Variants in RBFOX1 observed in about 807,000 individuals in gnomAD.
RBFOX1 encodes RNA binding fox-1 homolog 1, also known as RNA binding protein fox-1 homolog 1.
A neutral mutation model predicts 57.7 loss-of-function variants in RBFOX1; 8 were observed. The observed-to-expected ratio is 0.14, with a 90% CI of 0.08 to 0.25. The LOEUF is 0.25. Ranked by LOEUF, RBFOX1 falls within the 10% of genes least tolerant of loss-of-function variation. RBFOX1 has a pLI of 1.00. For synonymous variants in RBFOX1, 326 were observed against 222.4 expected, an observed-to-expected ratio of 1.47 and a Z score of -4.15; for missense variants, 611 against 548.5, an observed-to-expected ratio of 1.11 and a Z score of -1.14.
At chr16:6,181,255 G>A (rs1463614517) in intron 1 of RBFOX1, among the ~76,000 whole-genome samples, 1 of 152,180 alleles carries the variant, frequency 6.6e-6, no homozygotes, top group Non-Finnish European at 1.5e-5. Flanking sequence ...TTTGGACCAT[G>A]GCAACTGAGC....
chr16:5,470,904 T>A (rs1309235106), intron 2 of RBFOX1, among the ~76,000 whole-genome samples: 2 of 152,090 alleles, frequency 1.3e-5, no homozygotes, highest in Non-Finnish European at 2.9e-5. Flanking sequence ...CAGGCTGGAG[T>A]ACAGTGGTGC....
intron 4 of RBFOX1, among the ~76,000 whole-genome samples, chr16:5,961,712 G>A (rs1204111143): frequency 1.3e-5 from 2 of 151,976 alleles, no homozygotes. Context: ...AATTTTGGTA[G>A]AGATGAGGTT....
At chr16:7,088,150 G>A (rs868461671) in intron 4 of RBFOX1, among the ~76,000 whole-genome samples, 24 of 152,126 alleles carry the variant, frequency 1.6e-4, no homozygotes, top group African/African-American at 5.6e-4. Flanking sequence ...ATGGGGTTTG[G>A]GGGGATGTAC....
chr16:6,401,216 G>A (rs1356759878), intron 2 of RBFOX1, among the ~76,000 whole-genome samples: 2 of 152,274 alleles, frequency 1.3e-5, no homozygotes, highest in African/African-American at 2.4e-5. Context: ...AAGGACACAG[G>A]CCTCAGCTTC....
Position 6,996,640 on chromosome 16 carries a change from A to G in RBFOX1, c.-15-55417A>G, listed in dbSNP as rs565194739. On this transcript the variant is annotated intron_variant, in intron 3 of 15. Transcript: ENST00000550418. The stretch of plus-strand genomic sequence containing the variant: ...TTAACCAATGGGGACAGTGACGCAC[A>G]AAGAAGCTAATTAGTTTGTCTGAGG... 5.9e-5 allele frequency among the ~76,000 whole-genome samples: 9 copies of G among 152,334 alleles called. No individual in the cohort carries two copies. The South Asian group carries it at 1.7e-3, about 28-fold the overall frequency.
chr16:6,707,811 A>G (rs1023955587), intron 3 of RBFOX1, among the ~76,000 whole-genome samples: 2 of 152,130 alleles, frequency 1.3e-5, no homozygotes, highest in African/African-American at 2.4e-5. Context: ...TATGTGTTCA[A>G]TTTGCATCCG....
chr16:5,438,449 C>T (rs1170603788), intron 1 of RBFOX1, among the ~76,000 whole-genome samples: 1 of 152,160 alleles, frequency 6.6e-6, no homozygotes, highest in East Asian at 1.9e-4. Context: ...CCTAACACTT[C>T]AAGTGCTGTC....
intron 2 of RBFOX1, among the ~76,000 whole-genome samples, chr16:5,468,668 G>A (rs1038576917): frequency 6.6e-6 from 1 of 152,218 alleles, no homozygotes; most frequent in African/African-American, 2.4e-5. Context: ...CAAATAAAAT[G>A]TGGTCTATCC....
chr16:7,202,369 C>A, intron 4 of RBFOX1, among the ~76,000 whole-genome samples: 1 of 151,236 alleles, frequency 6.6e-6, no homozygotes, highest in African/African-American at 2.4e-5. Context: ...CCCATTACGC[C>A]CTGTGGGTAG....
intron 2 of RBFOX1, among the ~76,000 whole-genome samples, chr16:6,645,568 C>G (rs528428449): frequency 7.9e-5 from 12 of 152,288 alleles, no homozygotes; most frequent in Admixed American, 5.9e-4. Flanking sequence ...GAAAAGAAGT[C>G]TCTCTCGGGA....
chr16:6,198,050 A>C (rs1012967996), intron 1 of RBFOX1, among the ~76,000 whole-genome samples: 2 of 152,204 alleles, frequency 1.3e-5, no homozygotes, highest in African/African-American at 4.8e-5. Flanking sequence ...CATTGAATTA[A>C]CTAATACTTA....
chr16:5,631,992 C>T (rs1010429410), intron 3 of RBFOX1, among the ~76,000 whole-genome samples: 3 of 152,146 alleles, frequency 2.0e-5, no homozygotes, highest in African/African-American at 7.2e-5. Context: ...TCTCTATAAG[C>T]TTCCGTCTAA....
chr16:5,622,953 G>C (rs1274355044), intron 3 of RBFOX1, among the ~76,000 whole-genome samples: 1 of 152,180 alleles, frequency 6.6e-6, no homozygotes, highest in Non-Finnish European at 1.5e-5. Context: ...GCTATTACAG[G>C]TAATCTATAG....
chr16:6,508,365 TAAAACA>T (rs1378370679), intron 2 of RBFOX1, among the ~76,000 whole-genome samples: 1 of 152,016 alleles, frequency 6.6e-6, no homozygotes, highest in Non-Finnish European at 1.5e-5. Context: ...ACATAAAACT[TAAAACA>T]AAAATATAAT....
At chr16:6,310,134 C>T (rs2080066508) in intron 1 of RBFOX1, among the ~76,000 whole-genome samples, 1 of 152,188 alleles carries the variant, frequency 6.6e-6, no homozygotes, top group Non-Finnish European at 1.5e-5. Flanking sequence ...GATCCGCCCA[C>T]CTCGGCCTAC....
At chr16:5,898,445 C>A (rs972546166) in intron 4 of RBFOX1, among the ~76,000 whole-genome samples, 5 of 152,042 alleles carry the variant, frequency 3.3e-5, no homozygotes, top group Admixed American at 1.3e-4. Context: ...TCTGATTCAT[C>A]CTGGCCTAGA....
chr16:6,061,469 A>C (rs902701022), intron 1 of RBFOX1, among the ~76,000 whole-genome samples: 6 of 151,934 alleles, frequency 3.9e-5, no homozygotes, highest in African/African-American at 1.4e-4. Flanking sequence ...ATATGTATAC[A>C]TCTATTTTCA....
chr16:6,632,568 A>G (rs1012587855), intron 2 of RBFOX1, among the ~76,000 whole-genome samples: 1 of 152,156 alleles, frequency 6.6e-6, no homozygotes, highest in Non-Finnish European at 1.5e-5. Context: ...ATGTTGATGG[A>G]TTTCAGTGGA....
At chr16:5,814,583 A>G (rs571654666) in intron 3 of RBFOX1, among the ~76,000 whole-genome samples, 14 of 152,226 alleles carry the variant, frequency 9.2e-5, no homozygotes, top group Admixed American at 2.6e-4. Flanking sequence ...AGTCAGCGGT[A>G]GAGAGCCTAT....
Sources: gnomAD v4.1 joint callset for allele counts (sites outside exome capture counted in the v4.1 genomes callset) on GRCh38, gnomAD v4.1.1 for gene constraint, MANE v1.5 for transcripts, NCBI Gene and HGNC (gene_info 2026-07-23, HGNC 2026-07-21) for gene names.